The following ABCA1 variants were observed in gnomAD, a reference collection of about 807,000 sequenced individuals.
ABCA1 encodes the protein ATP binding cassette subfamily A member 1.
ABCA1 carries 133 observed loss-of-function variants against 262.5 expected under a neutral mutation model. The observed-to-expected ratio is 0.51, with a 90% CI of 0.44 to 0.59. The LOEUF (loss-of-function observed/expected upper bound fraction) is 0.59. Among genes scored for constraint, ABCA1 ranks in the 20% least tolerant of loss-of-function variants. The probability of loss-of-function intolerance (pLI) is 0.00; values close to 1 mark genes in which losing one functional copy is unlikely to be tolerated. For missense variants in ABCA1, 2,452 were observed against 2,777.5 expected (o/e 0.88, Z 2.63); for synonymous variants, 1,022 against 1,043.5 (o/e 0.98, Z 0.40).
At chr9:104,800,158 T>C (rs762615581) in intron 35 of ABCA1, among the ~76,000 whole-genome samples, 170 bp from the exon 36 acceptor site, 16 of 152,174 alleles carry the variant, frequency 1.1e-4, no homozygotes, top group Non-Finnish European at 1.9e-4. Context: ...GTTCAGGACA[T>C]AGTGATCACT....
chr9:104,831,957 C>A lies in ABCA1; in HGVS notation c.1510-130G>T. 4.4e-6 allele frequency: 4 copies of A among 909,500 alleles called. No individual in the cohort carries two copies. In the South Asian group the frequency reaches 5.4e-5, roughly 12 times the overall value. 56.3% of individuals were successfully genotyped at this position (909,500 alleles called of 1,614,324 possible). A position where few individuals can be genotyped will look rare whatever the true frequency, so the allele number is the denominator to read the frequency against. ...ATCCTCTCTCTCTAATCCTCTCTAA[C>A]GTAGTTTTCCAACCTTCAACCAAGA... On this transcript the variant is annotated intron_variant, in intron 12 of 49. Transcript: ENST00000374736.
intron 2 of ABCA1, among the ~76,000 whole-genome samples, chr9:104,900,070 G>A (rs535722356): frequency 3.3e-5 from 5 of 152,140 alleles, no homozygotes; most frequent in African/African-American, 1.2e-4. Context: ...CTGCACAATG[G>A]GGGTACAGGA....
rs985291121 is a variant in ABCA1, at chr9:104,837,327, C to T, written c.1194+101G>A. ...TTCACTCTGGGAATTCCAGAAGAGC[C>T]GTGAGTATACTTAGCGCACACCTCT... On this transcript the variant is annotated intron_variant, in intron 10 of 49. Coordinates refer to ENST00000374736, the MANE Select transcript of ABCA1 (RefSeq NM_005502.4). 46 of 1,493,342 alleles carry T rather than the reference C, an allele frequency of 3.1e-5. No individual in the cohort carries two copies. The Middle Eastern group carries it at 6.7e-4, about 22-fold the overall frequency. The allele number at this position is 1,493,342 out of a possible 1,614,324, so 92.5% of individuals were successfully genotyped here.
chr9:104,822,236 C>T (rs893515551), intron 19 of ABCA1, among the ~76,000 whole-genome samples: 5 of 152,182 alleles, frequency 3.3e-5, no homozygotes, highest in African/African-American at 1.2e-4. Context: ...CTGCAGGTTC[C>T]AAGACCACTG....
At chr9:104,791,126 C>A in intron 43 of ABCA1, 98 bp from the exon 44 acceptor site, 1 of 804,990 alleles carries the variant, frequency 1.2e-6, no homozygotes, top group East Asian at 2.5e-5. Context: ...TCTTAAATAT[C>A]AGAGAAGAAT....
intron 2 of ABCA1, among the ~76,000 whole-genome samples, chr9:104,893,876 A>G (rs1839984165): frequency 6.6e-6 from 1 of 152,204 alleles, no homozygotes; most frequent in Admixed American, 6.5e-5. Context: ...CCAGAGAGGT[A>G]AAATTAATTC....
intron 5 of ABCA1, among the ~76,000 whole-genome samples, chr9:104,873,158 T>C (rs1252385323): frequency 6.6e-6 from 1 of 152,232 alleles, no homozygotes; most frequent in Non-Finnish European, 1.5e-5. Context: ...ATCAAAACTT[T>C]TGACAAGTGC....
rs151174818 is a variant in ABCA1, at chr9:104,855,557, A to G, written c.720+2965T>C. 83 of 1,058,590 alleles carry G rather than the reference A, an allele frequency of 7.8e-5. No individual in the cohort carries two copies. The African/African-American group carries it at 1.2e-3, about 15-fold the overall frequency. 65.6% of individuals were successfully genotyped at this position (1,058,590 alleles called of 1,614,324 possible). On this transcript the variant is annotated intron_variant, in intron 7 of 49. Coordinates refer to ENST00000374736, the MANE Select transcript of ABCA1 (RefSeq NM_005502.4). ...TTCAAGGACATAATTTCTACTACTC[A>G]TGTCAATTAAATTATCAACTTCTAT...
intron 34 of ABCA1, among the ~76,000 whole-genome samples, chr9:104,801,466 C>T (rs1376431399): frequency 1.3e-5 from 2 of 151,940 alleles, no homozygotes; most frequent in African/African-American, 2.4e-5. Context: ...GTGCTTTGCC[C>T]GCCTCGGCAT....
chr9:104,797,809 C>T (rs187565110), intron 37 of ABCA1, among the ~76,000 whole-genome samples: 21 of 152,112 alleles, frequency 1.4e-4, no homozygotes, highest in Admixed American at 9.8e-4. Context: ...GGGACTTGTT[C>T]GGTGGGAGAA....
chr9:104,803,298 C>T lies in ABCA1; in HGVS notation c.4578G>A (p.Trp1526Ter), dbSNP rs780478732. 1 of 1,614,166 alleles carries T rather than the reference C, an allele frequency of 6.2e-7. No homozygotes were observed. Among genetic ancestry groups the T allele is most frequent in the Non-Finnish European group, 8.5e-7 (1 of 1,180,024 alleles). Reference sequence around the variant, plus strand: ...CAGCAACTTACCTAAACTCATTCACCCAGATCTTGTTCTTTAAGCTGCAGA... The same window carrying T: ...CAGCAACTTACCTAAACTCATTCACTCAGATCTTGTTCTTTAAGCTGCAGA... ...IIAKSLKNKI[W>*]VNEFRYGGFS... The change falls in exon 33 of 50, where the codon TGG becomes TGA. Residue 1526 changes from tryptophan (W) to a stop codon, truncating the protein, a stop_gained. Coordinates refer to ENST00000374736, the MANE Select transcript of ABCA1 (RefSeq NM_005502.4). LOFTEE classifies it high-confidence loss of function.
chr9:104,864,719 C>A lies in ABCA1; in HGVS notation c.422-2919G>T, dbSNP rs575204825. Among the ~76,000 whole-genome samples the A allele has an allele frequency of 8.5e-5, 13 of 152,174 alleles. No homozygotes were observed. In the East Asian group the frequency reaches 2.5e-3, roughly 30 times the overall value. On this transcript the variant is annotated intron_variant, in intron 5 of 49. Coordinates refer to ENST00000374736, the MANE Select transcript of ABCA1 (RefSeq NM_005502.4). ...CATATTGCACCAGGGAACTTCAAAA[C>A]AGCTCCCTCCTTCCCAAGCAGGGTG...
At chr9:104,873,167 G>A (rs564616598) in intron 5 of ABCA1, among the ~76,000 whole-genome samples, 2 of 152,314 alleles carry the variant, frequency 1.3e-5, no homozygotes, top group African/African-American at 4.8e-5. Flanking sequence ...TTTGACAAGT[G>A]CATACATACA....
chr9:104,860,276 T>C (rs1409775712), intron 6 of ABCA1, among the ~76,000 whole-genome samples: 2 of 152,140 alleles, frequency 1.3e-5, no homozygotes, highest in East Asian at 3.9e-4. Context: ...TGCCCCTTAT[T>C]TTAAACTGAT....
At chr9:104,793,343 A>C (rs1829596041) in intron 40 of ABCA1, 43 bp from the exon 41 acceptor site, 1 of 1,613,242 alleles carries the variant, frequency 6.2e-7, no homozygotes, top group South Asian at 1.1e-5. Context: ...TGGAGGGATC[A>C]AAAACCATGG....
Position 104,784,215 on chromosome 9 carries a change from C to T in ABCA1, c.*100G>A. 2 of 1,488,936 alleles carry T rather than the reference C, an allele frequency of 1.3e-6. No homozygotes were observed. Among genetic ancestry groups the T allele is most frequent in the Non-Finnish European group, 9.3e-7 (1 of 1,072,664 alleles). The allele number at this position is 1,488,936 out of a possible 1,614,324, so 92.2% of individuals were successfully genotyped here. On this transcript the variant is annotated 3_prime_UTR_variant, in exon 50 of 50. Transcript: ENST00000374736. ...AGTACAGTATCCAGTTTACTTCTTC[C>T]CACATCAACTTCTGGCTCTTTTCTC...
chr9:104,805,692 A>T (rs1398723652), intron 31 of ABCA1, among the ~76,000 whole-genome samples: 1 of 152,266 alleles, frequency 6.6e-6, no homozygotes, highest in Non-Finnish European at 1.5e-5. Context: ...ATTGGAAGCC[A>T]GGCCTGCCAC....
chr9:104,807,849 C>T (rs5007364), intron 30 of ABCA1, among the ~76,000 whole-genome samples: 83,901 of 120,778 alleles, frequency 0.69, 28,632 homozygotes, highest in Non-Finnish European at 0.76. Flanking sequence ...TATATATACA[C>T]ACACACACAC....
rs370225084 is a variant in ABCA1, at chr9:104,788,091, T to C, written c.6070-37A>G. 1.6e-5 allele frequency: 25 copies of C among 1,606,950 alleles called. No individual in the cohort carries two copies. In the African/African-American group the frequency reaches 3.2e-4, roughly 21 times the overall value. On this transcript the variant is annotated intron_variant, in intron 45 of 49. Transcript: ENST00000374736. ...AAAAGCACCTTGACTTTGGTCTGGC[T>C]TGGGAATTTTATCATGCTGTCCTAC...
Sources: gnomAD v4.1 joint callset for allele counts (sites outside exome capture counted in the v4.1 genomes callset) on GRCh38, gnomAD v4.1.1 for gene constraint, MANE v1.5 for transcripts, NCBI Gene and HGNC (gene_info 2026-07-23, HGNC 2026-07-21) for gene names.